CDH18: variants seen among roughly 807,000 people sequenced by gnomAD.
The protein encoded by CDH18 is cadherin-18.
Under a neutral mutation model 67.9 loss-of-function variants are expected in CDH18, and 31 were observed. The observed-to-expected ratio is 0.46, with a 90% CI of 0.34 to 0.62. The LOEUF (loss-of-function observed/expected upper bound fraction) is 0.62, where lower values mean the gene tolerates loss of function less well. Among genes scored for constraint, CDH18 ranks in the 20% least tolerant of loss-of-function variants. The pLI is 0.01. For synonymous variants in CDH18, 362 were observed against 347.2 expected (o/e 1.04, Z -0.48); for missense variants, 890 against 975.5 (o/e 0.91, Z 1.17).
At chr5:20,339,753 G>T (rs914958241) in intron 1 of CDH18, among the ~76,000 whole-genome samples, 2 of 152,168 alleles carry the variant, frequency 1.3e-5, no homozygotes, top group Admixed American at 6.5e-5. Context: ...AATTAAGAGG[G>T]ATCTTGGTAC....
intron 2 of CDH18, among the ~76,000 whole-genome samples, chr5:20,222,341 A>T (rs2126456116): frequency 6.6e-6 from 1 of 152,322 alleles, no homozygotes; most frequent in South Asian, 2.1e-4. Flanking sequence ...TCCTCATGGT[A>T]TCTCTGTACT....
At chr5:19,738,503 A>C (rs1768655645) in intron 4 of CDH18, among the ~76,000 whole-genome samples, 1 of 152,124 alleles carries the variant, frequency 6.6e-6, no homozygotes. Context: ...TCAGTTTTCT[A>C]CATTGAGGCC....
chr5:20,379,903 A>T (rs181853387), intron 1 of CDH18, among the ~76,000 whole-genome samples: 1 of 152,160 alleles, frequency 6.6e-6, no homozygotes, highest in Admixed American at 6.6e-5. Context: ...TCACTGAAGC[A>T]AAATTGGCCT....
At chr5:19,695,306 T>C (rs1318624572) in intron 5 of CDH18, among the ~76,000 whole-genome samples, 7 of 152,186 alleles carry the variant, frequency 4.6e-5, no homozygotes, top group African/African-American at 9.7e-5. Context: ...AGGTCATAAA[T>C]TGTGGTTATG....
intron 1 of CDH18, among the ~76,000 whole-genome samples, chr5:19,982,188 G>A (rs977335366): frequency 1.3e-4 from 20 of 152,016 alleles, no homozygotes; most frequent in Admixed American, 7.9e-4. Context: ...ATCATACAAC[G>A]CTTTCCCATC....
intron 2 of CDH18, among the ~76,000 whole-genome samples, chr5:20,074,733 G>GTT (rs1554087084): frequency 3.5e-4 from 20 of 57,526 alleles, no homozygotes; most frequent in African/African-American, 6.1e-4. Flanking sequence ...AATAGTTTGG[G>GTT]GTTTTTTTTT....
At chr5:20,233,963 C>A (rs1412370846) in intron 2 of CDH18, among the ~76,000 whole-genome samples, 1 of 152,082 alleles carries the variant, frequency 6.6e-6, no homozygotes, top group Non-Finnish European at 1.5e-5. Context: ...ATGACTTAGA[C>A]TTCAAAAATC....
chr5:20,527,200 C>A (rs937870724), intron 1 of CDH18, among the ~76,000 whole-genome samples: 1 of 151,482 alleles, frequency 6.6e-6, no homozygotes, highest in Non-Finnish European at 1.5e-5. Context: ...GGCAGGCAGA[C>A]AAGACTAGAG....
intron 1 of CDH18, among the ~76,000 whole-genome samples, chr5:20,386,909 ATG>A (rs1744359561): frequency 1.3e-5 from 2 of 152,002 alleles, no homozygotes; most frequent in South Asian, 4.1e-4. Context: ...GTGTGTGGGT[ATG>A]TGTGTATATA....
intron 1 of CDH18, chr5:20,304,298 G>A: frequency 6.2e-7 from 1 of 1,601,280 alleles, no homozygotes; most frequent in Non-Finnish European, 8.6e-7. Flanking sequence ...ATTTGCTGTA[G>A]GTTTTAAATG....
At chr5:20,340,308 AC>A (rs1286483370) in intron 1 of CDH18, among the ~76,000 whole-genome samples, 1 of 152,102 alleles carries the variant, frequency 6.6e-6, no homozygotes, top group Non-Finnish European at 1.5e-5. Context: ...ACCTTATAAA[AC>A]CTCCTGAAGG....
At chr5:20,172,457 C>T (rs1348426590) in intron 2 of CDH18, among the ~76,000 whole-genome samples, 1 of 150,958 alleles carries the variant, frequency 6.6e-6, no homozygotes, top group East Asian at 2.0e-4. Flanking sequence ...TTTGAAATGT[C>T]TTTGAAACTG....
At chr5:20,372,741 T>C (rs1183928650) in intron 1 of CDH18, among the ~76,000 whole-genome samples, 1 of 152,214 alleles carries the variant, frequency 6.6e-6, no homozygotes, top group African/African-American at 2.4e-5. Context: ...AATATATGAC[T>C]GAGAAATTGT....
At chr5:19,705,429 C>T (rs887365218) in intron 5 of CDH18, among the ~76,000 whole-genome samples, 5 of 152,130 alleles carry the variant, frequency 3.3e-5, no homozygotes, top group African/African-American at 1.2e-4. Flanking sequence ...CCTACCTATG[C>T]CATGAGTAAT....
chr5:20,553,196 C>G (rs1309792556), intron 1 of CDH18, among the ~76,000 whole-genome samples: 1 of 152,078 alleles, frequency 6.6e-6, no homozygotes, highest in Admixed American at 6.6e-5. Context: ...TGGAAAGATT[C>G]CAATTCATAC....
chr5:20,139,004 C>A (rs1386624737), intron 2 of CDH18, among the ~76,000 whole-genome samples: 3 of 152,166 alleles, frequency 2.0e-5, no homozygotes, highest in Non-Finnish European at 1.5e-5. Context: ...ACCTGCATTG[C>A]CAAGACAATC....
intron 9 of CDH18, among the ~76,000 whole-genome samples, chr5:19,524,603 T>C (rs1246728202): frequency 6.6e-6 from 1 of 152,114 alleles, no homozygotes; most frequent in East Asian, 1.9e-4. Flanking sequence ...CTATTCTACA[T>C]ATCATAAAAG....
chr5:20,543,017 C>G (rs953161599), intron 1 of CDH18, among the ~76,000 whole-genome samples: 1 of 151,800 alleles, frequency 6.6e-6, no homozygotes, highest in African/African-American at 2.4e-5. Flanking sequence ...CGTTTCATGG[C>G]TAAATAAGGC....
chr5:19,739,539 G>A (rs1482562190), intron 4 of CDH18, among the ~76,000 whole-genome samples: 1 of 152,184 alleles, frequency 6.6e-6, no homozygotes. Flanking sequence ...CGAATTATGA[G>A]CAAATAAAGC....
Sources: allele counts gnomAD v4.1 joint callset (sites outside exome capture counted in the v4.1 genomes callset), GRCh38; gene constraint gnomAD v4.1.1; transcripts MANE v1.5; gene names NCBI Gene and HGNC (gene_info 2026-07-23, HGNC 2026-07-21).